The following BRWD3 variants were observed in gnomAD, a reference collection of about 807,000 sequenced individuals.
The protein encoded by BRWD3 is bromodomain and WD repeat domain containing 3.
BRWD3 carries 10 observed loss-of-function variants against 149.7 expected under a neutral mutation model. The ratio of observed to expected loss-of-function variants is 0.07; its 90% CI spans 0.04 to 0.11. The LOEUF (loss-of-function observed/expected upper bound fraction) is 0.11. Ranked by LOEUF, BRWD3 falls within the 10% of genes least tolerant of loss-of-function variation. BRWD3 has a pLI of 1.00. For synonymous variants in BRWD3, 504 were observed against 456.7 expected, an observed-to-expected ratio of 1.10 and a Z score of -1.32; for missense variants, 940 against 1,373.2, an observed-to-expected ratio of 0.68 and a Z score of 4.99.
intron 36 of BRWD3, among the ~76,000 whole-genome samples, chrX:80,684,379 G>A (rs1038180267): frequency 1.8e-5 from 2 of 111,537 alleles, no homozygotes; most frequent in African/African-American, 3.3e-5. Context: ...AGTAATAACC[G>A]TAAATAACTA....
At chrX:80,795,448 T>C (rs1281612040) in intron 4 of BRWD3, among the ~76,000 whole-genome samples, 2 of 109,749 alleles carry the variant, frequency 1.8e-5, no homozygotes, top group Non-Finnish European at 3.8e-5. Context: ...CACGTATATG[T>C]ATGTGTATAT....
In BRWD3 at chrX:80,717,762, A is replaced by G. The variant is rs1454749678; in HGVS notation, c.2045-3T>C. 1 of 1,208,412 alleles carries G rather than the reference A, an allele frequency of 8.3e-7. No homozygotes were observed. The highest frequency in any genetic ancestry group is 1.7e-5 in the African/African-American group (1 of 57,730). Reference sequence around the variant, plus strand: ...GTCCATGTTTGGACTTCTCAGAGCTAAAACAAAAACAAGGAAAATTATCAC... The same window carrying G: ...GTCCATGTTTGGACTTCTCAGAGCTGAAACAAAAACAAGGAAAATTATCAC... On this transcript the variant is annotated splice_polypyrimidine_tract_variant and splice_region_variant and intron_variant, in intron 18 of 40. Transcript: ENST00000373275.
chrX:80,703,757 C>T (rs2072823655), intron 23 of BRWD3, among the ~76,000 whole-genome samples, 164 bp from the exon 24 acceptor site: 1 of 111,530 alleles, frequency 9.0e-6, no homozygotes, highest in Non-Finnish European at 1.9e-5. Flanking sequence ...TTATTATATA[C>T]AATTTTTCTG....
At chrX:80,707,324 T>C (rs1457938799) in intron 22 of BRWD3, 103 bp downstream of exon 22, 4 of 806,923 alleles carry the variant, frequency 5.0e-6, no homozygotes, top group Non-Finnish European at 7.3e-6. Flanking sequence ...TTTTCTACTA[T>C]AAAACACTAT....
chrX:80,697,293 T>C lies in BRWD3; in HGVS notation c.2944-430A>G, dbSNP rs150977474. On this transcript the variant is annotated intron_variant, in intron 25 of 40. Transcript: ENST00000373275. Reference sequence around the variant, plus strand: ...TGTTTGGGGTGAAGACTTATATATTTTAATGTCTACAACATTATCTTTTTT... The same window carrying C: ...TGTTTGGGGTGAAGACTTATATATTCTAATGTCTACAACATTATCTTTTTT... Among the ~76,000 whole-genome samples the C allele has an allele frequency of 5.6e-3, 627 of 111,759 alleles. 10 individuals are homozygous for C. The East Asian group carries it at 0.061, about 11-fold the overall frequency.
chrX:80,720,048 C>A (rs754080374), intron 17 of BRWD3, among the ~76,000 whole-genome samples: 45 of 112,027 alleles, frequency 4.0e-4, no homozygotes, highest in South Asian at 1.5e-3. Context: ...GTGTTATTGG[C>A]ATAAACAAAC....
intron 14 of BRWD3, among the ~76,000 whole-genome samples, chrX:80,726,035 T>C (rs1175027032): frequency 2.0e-5 from 2 of 102,295 alleles, no homozygotes; most frequent in Non-Finnish European, 4.0e-5. Flanking sequence ...ACATATAACA[T>C]GTTTACATGT....
intron 8 of BRWD3, 58 bp downstream of exon 8, chrX:80,743,974 T>A: frequency 1.0e-6 from 1 of 971,571 alleles, no homozygotes; most frequent in Non-Finnish European, 1.5e-6. Flanking sequence ...TAACATGAAA[T>A]CAGAGAATTC....
chrX:80,704,622 A>G (rs1396416349), intron 23 of BRWD3, 56 bp downstream of exon 23: 1 of 1,080,906 alleles, frequency 9.3e-7, no homozygotes, highest in East Asian at 3.1e-5. Context: ...TATTTAAGTT[A>G]TCAAAGGCAA....
In BRWD3 at chrX:80,682,114, A is replaced by G. The variant is rs1447170943; in HGVS notation, c.4398-20T>C. 1.7e-6 allele frequency: 2 copies of G among 1,149,083 alleles called. No homozygotes were observed. The highest frequency in any genetic ancestry group is 2.4e-6 in the Non-Finnish European group (2 of 842,438). 94.7% of individuals were successfully genotyped at this position (1,149,083 alleles called of 1,213,427 possible). A position where few individuals can be genotyped will look rare whatever the true frequency, so the allele number is the denominator to read the frequency against. On this transcript the variant is annotated intron_variant, in intron 38 of 40. Transcript: ENST00000373275. ...TTTGGACTAGAAGTAAAAATATGTAACAACGAGCATTTTTTTTTTTCTGTT... is the reference window on the plus strand; with the variant it reads ...TTTGGACTAGAAGTAAAAATATGTAGCAACGAGCATTTTTTTTTTTCTGTT...
intron 4 of BRWD3, among the ~76,000 whole-genome samples, chrX:80,794,323 C>A (rs1398293727): frequency 9.1e-6 from 1 of 110,014 alleles, no homozygotes; most frequent in Non-Finnish European, 1.9e-5. Flanking sequence ...CTGGGCCACA[C>A]AACAAAACCC....
At chrX:80,697,762 AGTGATGTGACGAACATGCATGT>A (rs1474151920) in intron 25 of BRWD3, among the ~76,000 whole-genome samples, 3 of 111,860 alleles carry the variant, frequency 2.7e-5, no homozygotes, top group African/African-American at 9.8e-5. Context: ...TATTGTGAAT[AGTGATGTGACGAACATGCATGT>A]GCATGTGTCT....
Position 80,684,095 on chromosome X carries a change from T to A in BRWD3, c.4148A>T (p.Asn1383Ile). ...STVKETLEAG[N>I]YGSPLEFYKD... ...ATAAAATTCCAGAGGACTACCATAG[T>A]TTCCTGCTTCCAAAGTTTCTTTCAC... The change falls in exon 37 of 41, where the codon AAC becomes ATC. Residue 1383 changes from asparagine to isoleucine, a missense_variant. Around this residue, in one of 6 missense-constraint regions of BRWD3, gnomAD observed 349 missense variants for 419.6 expected, o/e 0.83. Coordinates refer to ENST00000373275, the MANE Select transcript of BRWD3 (RefSeq NM_153252.5). 8.3e-7 allele frequency: 1 copy of A among 1,206,519 alleles called. No homozygotes were observed. The highest frequency in any genetic ancestry group is 1.1e-6 in the Non-Finnish European group (1 of 890,981).
Position 80,703,558 on chromosome X carries a change from A to G in BRWD3, c.2757T>C (p.Asn919=). Residue 919 remains asparagine (N), a synonymous_variant, in exon 24 of 41, where the codon AAT becomes AAC. Transcript: ENST00000373275. The part of the protein sequence containing the change: ...GGLVSIAGEP[N]EEWFAPQWIL... ...TCCACTGAGGGGCAAACCATTCTTC[A>G]TTAGGCTCACCTGCTATAGAAACCA... is the stretch of plus-strand genomic sequence containing the variant. 1 of 1,207,494 alleles carries G rather than the reference A, an allele frequency of 8.3e-7. No individual in the cohort carries two copies. The highest frequency in any genetic ancestry group is 1.8e-5 in the South Asian group (1 of 55,968).
intron 4 of BRWD3, among the ~76,000 whole-genome samples, chrX:80,804,752 A>G (rs1424095729): frequency 8.9e-6 from 1 of 112,000 alleles, no homozygotes; most frequent in Admixed American, 9.5e-5. Context: ...TAGGGTCACC[A>G]CAAATGAAAG....
Position 80,699,948 on chromosome X carries a change from CA to C in BRWD3, c.2943+8del. On this transcript the variant is annotated splice_region_variant and intron_variant, in intron 25 of 40. Coordinates refer to ENST00000373275, the MANE Select transcript of BRWD3 (RefSeq NM_153252.5). ...TCCATTGCATAGCTTATGAATTTGG[CA>C]AACTTACCCTGAGATCCATTTTGTT... 2 of 1,190,832 alleles carry C rather than the reference CA, an allele frequency of 1.7e-6. No individual in the cohort carries two copies. Among genetic ancestry groups the C allele is most frequent in the Non-Finnish European group, 2.3e-6 (2 of 878,305 alleles).
chrX:80,769,385 A>C (rs1338851110), intron 6 of BRWD3, among the ~76,000 whole-genome samples: 1 of 111,895 alleles, frequency 8.9e-6, no homozygotes, highest in Non-Finnish European at 1.9e-5. Context: ...AAATTATAAC[A>C]AACTGTCTCT....
At position 80,685,455 on chromosome X, in the gene BRWD3, G is replaced by A; in HGVS notation, c.4080+7C>T. 1 of 1,196,985 alleles carries A rather than the reference G, an allele frequency of 8.4e-7. No homozygotes were observed. The highest frequency in any genetic ancestry group is 1.1e-6 in the Non-Finnish European group (1 of 882,778). Reference sequence around the variant, plus strand: ...CAATATGTCTTTTAAGAGACTACCAGGCCTACCTCAGAAAGAGATGAATCT... The same window carrying A: ...CAATATGTCTTTTAAGAGACTACCAAGCCTACCTCAGAAAGAGATGAATCT... On this transcript the variant is annotated splice_region_variant and intron_variant, in intron 36 of 40. Coordinates refer to ENST00000373275, the MANE Select transcript of BRWD3 (RefSeq NM_153252.5).
intron 6 of BRWD3, among the ~76,000 whole-genome samples, chrX:80,747,263 G>A (rs1046848663): frequency 1.8e-5 from 2 of 109,091 alleles, no homozygotes; most frequent in Non-Finnish European, 3.8e-5. Context: ...TTTAAGGCAG[G>A]GCTTCTCAAC....
Sources: allele counts gnomAD v4.1 joint callset (sites outside exome capture counted in the v4.1 genomes callset), GRCh38; gene constraint gnomAD v4.1.1; regional missense constraint gnomAD v4.1.1; transcripts MANE v1.5; gene names NCBI Gene and HGNC (gene_info 2026-07-23, HGNC 2026-07-21).